The following SMARCA2 variants were observed in gnomAD, a reference collection of about 807,000 sequenced individuals.
SMARCA2 encodes the protein SWI/SNF related BAF chromatin remodeling complex subunit ATPase 2.
In SMARCA2, 61 loss-of-function variants were observed where a neutral mutation model predicts 199.8. That is an observed-to-expected ratio of 0.31 (90% CI 0.25 to 0.38). SMARCA2 has a LOEUF of 0.38. Among genes scored for constraint, SMARCA2 ranks in the 10% least tolerant of loss-of-function variants. The pLI, the probability that SMARCA2 is intolerant of heterozygous loss-of-function variation, is 1.00. For missense variants in SMARCA2, 1,344 were observed against 2,012.2 expected (o/e 0.67, Z 6.35); for synonymous variants, 935 against 732.0 (o/e 1.28, Z -4.48).
intron 8 of SMARCA2, among the ~76,000 whole-genome samples, chr9:2,059,522 G>A (rs1425679455): frequency 6.6e-6 from 1 of 152,128 alleles, no homozygotes; most frequent in Non-Finnish European, 1.5e-5. Context: ...TGACTCAACT[G>A]AAGTGAAACT....
intron 1 of SMARCA2, among the ~76,000 whole-genome samples, chr9:2,025,861 C>A (rs1818806928): frequency 6.6e-6 from 1 of 152,164 alleles, no homozygotes; most frequent in South Asian, 2.1e-4. Context: ...CTTAGAGAGT[C>A]CTCCCCTTGG....
At chr9:2,178,528 G>T (rs889429558) in intron 29 of SMARCA2, among the ~76,000 whole-genome samples, 9 of 151,942 alleles carry the variant, frequency 5.9e-5, no homozygotes, top group Admixed American at 2.0e-4. Context: ...AAACAACATT[G>T]TACAATTAGA....
chr9:2,144,941 GAAAA>G (rs981925324), intron 27 of SMARCA2, among the ~76,000 whole-genome samples: 2 of 151,908 alleles, frequency 1.3e-5, no homozygotes, highest in African/African-American at 2.4e-5. Context: ...ATCTGTGAAT[GAAAA>G]AAAAGCCAAA....
At chr9:2,116,194 C>A (rs1823209432) in intron 25 of SMARCA2, 145 bp downstream of exon 25, 1 of 659,546 alleles carries the variant, frequency 1.5e-6, no homozygotes, top group Admixed American at 2.5e-5. Flanking sequence ...ATCCCAACCA[C>A]AGAAAGCCTG....
Position 2,110,005 on chromosome 9 carries a change from A to G in SMARCA2, c.3293-249A>G, listed in dbSNP as rs1346854764. Among the ~76,000 whole-genome samples, 1 of 152,242 alleles carries G rather than the reference A, an allele frequency of 6.6e-6. No homozygotes were observed. The highest frequency in any genetic ancestry group is 2.4e-5 in the African/African-American group (1 of 41,470). On this transcript the variant is annotated intron_variant, in intron 23 of 33. Transcript: ENST00000349721. This position sits in a 1 kb window ranked among gnomAD's most constrained non-coding sequence, Gnocchi z 4.8. ...GTTTTCATTGTTTTAGGTGAGAGTA[A>G]GGATTTTGTAAAATTTGTGAAGTTG...
intron 20 of SMARCA2, 38 bp downstream of exon 20, chr9:2,096,802 G>C (rs1297663668): frequency 8.4e-7 from 1 of 1,191,536 alleles, no homozygotes; most frequent in Non-Finnish European, 1.3e-6. Context: ...AGGTGCTGTG[G>C]TATGTCTTCT....
intron 5 of SMARCA2, among the ~76,000 whole-genome samples, chr9:2,052,820 G>A (rs1257884419): frequency 6.6e-6 from 1 of 152,084 alleles, no homozygotes. Context: ...GAAAATGATG[G>A]CTGTCGTCAT....
intron 27 of SMARCA2, among the ~76,000 whole-genome samples, chr9:2,149,856 CT>C (rs1182065599): frequency 6.6e-6 from 1 of 151,534 alleles, no homozygotes; most frequent in Non-Finnish European, 1.5e-5. Context: ...GGCATTTTAG[CT>C]TTATTAAATA....
At position 2,086,785 on chromosome 9, in the gene SMARCA2, T is replaced by C; in HGVS notation, c.2527-44T>C. 1 of 1,608,276 alleles carries C rather than the reference T, an allele frequency of 6.2e-7. No homozygotes were observed. Among genetic ancestry groups the C allele is most frequent in the Non-Finnish European group, 8.5e-7 (1 of 1,176,738 alleles). ...ACTTGCTTGTTGGAAATAGTTGTAT[T>C]TTCCCTTGCTTACTACACGTCCGTC... On this transcript the variant is annotated intron_variant, in intron 17 of 33. Coordinates refer to ENST00000349721, the MANE Select transcript of SMARCA2 (RefSeq NM_003070.5). This position sits in a 1 kb window ranked among gnomAD's most constrained non-coding sequence, Gnocchi z 4.3.
At chr9:2,155,987 A>G (rs1825340521) in intron 27 of SMARCA2, among the ~76,000 whole-genome samples, 1 of 152,092 alleles carries the variant, frequency 6.6e-6, no homozygotes, top group Non-Finnish European at 1.5e-5. Flanking sequence ...AGTCGGAGGA[A>G]AAAAACTATA....
intron 8 of SMARCA2, 136 bp from the exon 9 acceptor site, chr9:2,060,680 T>C: frequency 1.4e-6 from 1 of 713,302 alleles, no homozygotes; most frequent in Non-Finnish European, 2.3e-6. Flanking sequence ...GTGCAATGGC[T>C]TGAACAGCCC....
intron 18 of SMARCA2, among the ~76,000 whole-genome samples, chr9:2,087,709 T>C (rs1303422747): frequency 6.6e-6 from 1 of 152,172 alleles, no homozygotes; most frequent in East Asian, 1.9e-4. Flanking sequence ...AGAAAAGAAA[T>C]GGGCACGTGT....
rs1827978072 is a variant in SMARCA2 at position 2,192,763 on chromosome 9, T to C, written c.*24T>C. The C allele has an allele frequency of 1.3e-6, 2 of 1,567,748 alleles. No homozygotes were observed. The highest frequency in any genetic ancestry group is 1.8e-6 in the Non-Finnish European group (2 of 1,137,836). The stretch of plus-strand genomic sequence containing the variant: ...GATCAGTATGGACCTTTTTCCTTGG[T>C]AGAACTGAATTCCTTCCTCCCCTGT... On this transcript the variant is annotated 3_prime_UTR_variant, in exon 34 of 34. Coordinates refer to ENST00000349721, the MANE Select transcript of SMARCA2 (RefSeq NM_003070.5).
In SMARCA2 at chr9:2,110,130, A is replaced by G. The variant is rs1563774571; in HGVS notation, c.3293-124A>G. The G allele has an allele frequency of 1.6e-6, 1 of 609,102 alleles. No individual in the cohort carries two copies. The highest frequency in any genetic ancestry group is 2.7e-6 in the Non-Finnish European group (1 of 375,002). The allele number at this position is 609,102 out of a possible 1,614,324, so 37.7% of individuals were successfully genotyped here. On this transcript the variant is annotated intron_variant, in intron 23 of 33. Coordinates refer to ENST00000349721, the MANE Select transcript of SMARCA2 (RefSeq NM_003070.5). The surrounding 1 kb of genome is among the most constrained non-coding windows in gnomAD (Gnocchi z 4.8). ...TATCCAGAAGTACAAAGCCCTGGAA[A>G]TTACCTCACCAGTGTTAGGAGGAGT...
At chr9:2,055,255 G>C (rs1321618816) in intron 6 of SMARCA2, among the ~76,000 whole-genome samples, 12 of 152,190 alleles carry the variant, frequency 7.9e-5, no homozygotes, top group Non-Finnish European at 1.8e-4. Flanking sequence ...ATCACATCAG[G>C]CTCATGTATT....
At chr9:2,139,257 G>A (rs1824351995) in intron 27 of SMARCA2, among the ~76,000 whole-genome samples, 1 of 152,206 alleles carries the variant, frequency 6.6e-6, no homozygotes, top group Admixed American at 6.5e-5. Flanking sequence ...TGTGGGAGAT[G>A]GAGTTAGTAC....
chr9:2,171,256 G>C (rs773910789), intron 29 of SMARCA2, among the ~76,000 whole-genome samples: 12 of 152,068 alleles, frequency 7.9e-5, no homozygotes, highest in Non-Finnish European at 1.5e-4. Flanking sequence ...TAAAAAAAAA[G>C]TTGATACAGT....
At position 2,192,405 on chromosome 9, in the gene SMARCA2, A is replaced by G. The variant is rs7868088; in HGVS notation, c.4738-299A>G. 0.17 allele frequency: 57,098 copies of G among 340,154 alleles called. 6,183 individuals are homozygous for G. The highest frequency in any genetic ancestry group is 0.35 in the African/African-American group (15,879 of 45,808). The allele number at this position is 340,154 out of a possible 1,614,324, so 21.1% of individuals were successfully genotyped here. On this transcript the variant is annotated intron_variant, in intron 33 of 33. Transcript: ENST00000349721. ...TTTTTTTTTCTCCCATGAATTTTCT[A>G]AAACCTGGGGCTGAAAAAGAGAAAA...
chr9:2,042,530 G>A (rs976798040), intron 4 of SMARCA2: 1 of 152,286 alleles, frequency 6.6e-6, no homozygotes, highest in East Asian at 1.9e-4. Context: ...TAATGTAACT[G>A]AACACAGTAG....
Sources: allele counts gnomAD v4.1 joint callset (sites outside exome capture counted in the v4.1 genomes callset), GRCh38; gene constraint gnomAD v4.1.1; non-coding constraint Gnocchi (gnomAD v3.1); transcripts MANE v1.5; gene names NCBI Gene and HGNC (gene_info 2026-07-23, HGNC 2026-07-21).